The following ROR2 variants were observed in gnomAD, a reference collection of about 807,000 sequenced individuals.
ROR2 encodes ROR family WNT receptor 2, also known as tyrosine-protein kinase transmembrane receptor ROR2.
ROR2 carries 33 observed loss-of-function variants against 74.9 expected under a neutral mutation model. The ratio of observed to expected loss-of-function variants is 0.44; its 90% CI spans 0.33 to 0.59. The LOEUF (loss-of-function observed/expected upper bound fraction) is 0.59. Among genes scored for constraint, ROR2 ranks in the 20% least tolerant of loss-of-function variants. The pLI is 0.02. For synonymous variants in ROR2, 586 were observed against 558.7 expected, an observed-to-expected ratio of 1.05 and a Z score of -0.69; for missense variants, 1,216 against 1,313.8, an observed-to-expected ratio of 0.93 and a Z score of 1.15.
At chr9:91,891,789 C>T (rs1396384015) in intron 1 of ROR2, among the ~76,000 whole-genome samples, 6 of 151,922 alleles carry the variant, frequency 3.9e-5, no homozygotes, top group East Asian at 1.9e-4. Context: ...GGCTCACACC[C>T]GTAATCCCAG....
At chr9:91,904,056 G>GT (rs1489008249) in intron 1 of ROR2, among the ~76,000 whole-genome samples, 5 of 151,182 alleles carry the variant, frequency 3.3e-5, no homozygotes, top group Admixed American at 1.3e-4. Flanking sequence ...TTTTTTGGGG[G>GT]GGGGGACAGA....
chr9:91,822,094 G>A (rs1039127831), intron 1 of ROR2, among the ~76,000 whole-genome samples: 1 of 152,248 alleles, frequency 6.6e-6, no homozygotes, highest in Non-Finnish European at 1.5e-5. Context: ...AAATCGGGAT[G>A]AGAGAAATCC....
At position 91,853,016 on chromosome 9, in the gene ROR2, G is replaced by A. The variant is rs866361243; in HGVS notation, c.98-77198C>T. Among the ~76,000 whole-genome samples the A allele has an allele frequency of 7.7e-4, 117 of 152,356 alleles. 1 individual carries two copies. The highest frequency in any genetic ancestry group is 2.6e-3 in the African/African-American group (108 of 41,582). On this transcript the variant is annotated intron_variant, in intron 1 of 8. Transcript: ENST00000375708. ...AAGGCTGGCGGAGCGCGAGGTTGTG[G>A]GCGGGGGTGAGGGTAAAAATAACCA...
chr9:91,754,842 C>A (rs977993644), intron 4 of ROR2, among the ~76,000 whole-genome samples: 1 of 152,152 alleles, frequency 6.6e-6, no homozygotes. Context: ...TTGCTCAGCA[C>A]AGAATCTTCC....
intron 1 of ROR2, among the ~76,000 whole-genome samples, chr9:91,890,958 A>G (rs1830405594): frequency 6.6e-6 from 1 of 152,172 alleles, no homozygotes. Context: ...GGATTTTTTT[A>G]ATGCTGAACC....
intron 1 of ROR2, among the ~76,000 whole-genome samples, chr9:91,782,378 T>C (rs984846293): frequency 2.0e-5 from 3 of 151,336 alleles, no homozygotes; most frequent in African/African-American, 7.3e-5. Flanking sequence ...AGTTTTTAAT[T>C]AAAGGGAGGG....
chr9:91,934,354 C>T (rs1831627863), intron 1 of ROR2, among the ~76,000 whole-genome samples: 1 of 152,136 alleles, frequency 6.6e-6, no homozygotes, highest in African/African-American at 2.4e-5. Flanking sequence ...AGATATCTGC[C>T]TCCATAAAAG....
intron 1 of ROR2, among the ~76,000 whole-genome samples, chr9:91,893,003 G>A (rs1226013262): frequency 6.6e-6 from 1 of 152,124 alleles, no homozygotes; most frequent in Non-Finnish European, 1.5e-5. Flanking sequence ...GAAACCAAGG[G>A]TGAAGTGAAA....
chr9:91,825,539 G>A (rs1475339924), intron 1 of ROR2, among the ~76,000 whole-genome samples: 2 of 152,192 alleles, frequency 1.3e-5, no homozygotes, highest in East Asian at 3.8e-4. Flanking sequence ...AGGAACATCT[G>A]CCTGAGACCC....
At chr9:91,829,855 T>C (rs891978498) in intron 1 of ROR2, among the ~76,000 whole-genome samples, 5 of 152,214 alleles carry the variant, frequency 3.3e-5, no homozygotes, top group Non-Finnish European at 7.4e-5. Context: ...TTTAACGTAA[T>C]ACAAATAAAT....
At chr9:91,911,015 T>C (rs893655392) in intron 1 of ROR2, among the ~76,000 whole-genome samples, 1 of 152,194 alleles carries the variant, frequency 6.6e-6, no homozygotes, top group East Asian at 1.9e-4. Context: ...CTTAGAACAA[T>C]AGAAAATGCT....
At chr9:91,768,437 G>C (rs1423059774) in intron 2 of ROR2, among the ~76,000 whole-genome samples, 1 of 152,200 alleles carries the variant, frequency 6.6e-6, no homozygotes, top group Non-Finnish European at 1.5e-5. Flanking sequence ...ACACCCTGGG[G>C]ACAGACAGAG....
chr9:91,837,091 T>C (rs1220136472), intron 1 of ROR2, among the ~76,000 whole-genome samples: 2 of 152,170 alleles, frequency 1.3e-5, no homozygotes, highest in Middle Eastern at 3.2e-3. Flanking sequence ...TCGAGATGTG[T>C]ACATGGTAAT....
intron 1 of ROR2, among the ~76,000 whole-genome samples, chr9:91,782,822 G>C (rs1424731818): frequency 6.6e-6 from 1 of 152,210 alleles, no homozygotes; most frequent in Non-Finnish European, 1.5e-5. Context: ...GCCAGAATTT[G>C]CTTCAGAGTC....
chr9:91,811,316 G>A (rs1011234618), intron 1 of ROR2, among the ~76,000 whole-genome samples: 1 of 152,252 alleles, frequency 6.6e-6, no homozygotes, highest in Non-Finnish European at 1.5e-5. Flanking sequence ...CCCACATGGG[G>A]ACATCCTTTT....
chr9:91,767,380 G>T (rs1271450123), intron 2 of ROR2, among the ~76,000 whole-genome samples: 1 of 152,170 alleles, frequency 6.6e-6, no homozygotes, highest in African/African-American at 2.4e-5. Flanking sequence ...GCCGACTTAC[G>T]ATTTTTAAAT....
At chr9:91,913,530 G>C (rs1831045559) in intron 1 of ROR2, among the ~76,000 whole-genome samples, 1 of 152,168 alleles carries the variant, frequency 6.6e-6, no homozygotes, top group Admixed American at 6.5e-5. Context: ...GTAGAAGACA[G>C]AATTACCAAC....
At chr9:91,735,291 A>G (rs935900054) in intron 5 of ROR2, among the ~76,000 whole-genome samples, 1 of 152,244 alleles carries the variant, frequency 6.6e-6, no homozygotes, top group African/African-American at 2.4e-5. Context: ...CGCAGTCATT[A>G]CTATGCTTAT....
rs1370113568 is a variant in ROR2, at chr9:91,733,275, C to T, written c.784G>A (p.Asp262Asn). Reference sequence around the variant, plus strand: ...ATGGTGTACTCCTGGCGGCACAGGTCGCTCTCCAGCACCTCGCACTCGTCG... The same window carrying T: ...ATGGTGTACTCCTGGCGGCACAGGTTGCTCTCCAGCACCTCGCACTCGTCG... ...CRDECEVLES[D>N]LCRQEYTIAR... Residue 262 changes from aspartate to asparagine, a missense_variant, in exon 6 of 9, where the codon GAC becomes AAC. By Grantham distance (23) the Asp-to-Asn change is conservative (BLOSUM62 1). Coordinates refer to ENST00000375708, the MANE Select transcript of ROR2 (RefSeq NM_004560.4). The surrounding 1 kb of genome is among the most constrained non-coding windows in gnomAD (Gnocchi z 5.7). 8 of 1,612,962 alleles carry T rather than the reference C, an allele frequency of 5.0e-6. No individual in the cohort carries two copies. In the South Asian group the frequency reaches 7.7e-5, roughly 16 times the overall value.
Sources: gnomAD v4.1 joint callset for allele counts (sites outside exome capture counted in the v4.1 genomes callset) on GRCh38, gnomAD v4.1.1 for gene constraint, Gnocchi (gnomAD v3.1) non-coding constraint, MANE v1.5 for transcripts, NCBI Gene and HGNC (gene_info 2026-07-23, HGNC 2026-07-21) for gene names.